The following UBASH3A variants were observed in gnomAD, a reference collection of about 807,000 sequenced individuals.
UBASH3A encodes the protein ubiquitin associated and SH3 domain containing A.
UBASH3A carries 63 observed loss-of-function variants against 73.5 expected under a neutral mutation model. That is an observed-to-expected ratio of 0.86 (90% confidence interval 0.70 to 1.06). The LOEUF is 1.06. Ranked by LOEUF, UBASH3A falls within the 50% of genes least tolerant of loss-of-function variation. The probability of loss-of-function intolerance (pLI) is 0.00; values close to 1 mark genes in which losing one functional copy is unlikely to be tolerated. For missense variants in UBASH3A, 860 were observed against 859.0 expected, an observed-to-expected ratio of 1.00 and a Z score of -0.02; for synonymous variants, 363 against 351.1, an observed-to-expected ratio of 1.03 and a Z score of -0.38.
rs74349974 is a variant in UBASH3A, at chr21:42,420,773, A to T, written c.1046+2164A>T. Among the ~76,000 whole-genome samples, 52 of 60,864 alleles carry T rather than the reference A, an allele frequency of 8.5e-4. 1 individual carries two copies. The highest frequency in any genetic ancestry group is 2.5e-3 in the East Asian group (6 of 2,440). 39.9% of individuals were successfully genotyped at this position (60,864 alleles called of 152,430 possible). On this transcript the variant is annotated intron_variant, in intron 7 of 14. Transcript: ENST00000319294. ...GAGTGTGAGGAAAGCCTAAGTTTTT[A>T]AAAAAAAATGCCTTCCAACTGCATA...
intron 10 of UBASH3A, chr21:42,435,524 G>A (rs925637646): frequency 1.3e-5 from 2 of 152,386 alleles, no homozygotes; most frequent in African/African-American, 4.8e-5. Context: ...GCTCAGAAAT[G>A]TTTACCCACC....
rs1258118412 is a variant in UBASH3A, at chr21:42,442,585, C to G, written c.1620C>G (p.Asp540Glu). The change falls in exon 12 of 15, where the codon GAC (aspartate) becomes GAG (glutamate). Residue 540 changes from aspartate (D) to glutamate (E), a missense_variant. Asp to Glu is a conservative substitution (Grantham distance 45, BLOSUM62 2). Transcript: ENST00000319294. Reference protein sequence around the residue: ...EELKEANFNIDTDYRPAFPLS... With the variant: ...EELKEANFNIETDYRPAFPLS... Reference sequence around the variant, plus strand: ...TGAAAGAGGCAAATTTCAACATTGACACTGATTACAGGTATGCTGTTCTAA... The same window carrying G: ...TGAAAGAGGCAAATTTCAACATTGAGACTGATTACAGGTATGCTGTTCTAA... 7 of 1,613,678 alleles carry G rather than the reference C, an allele frequency of 4.3e-6. No homozygotes were observed. Among genetic ancestry groups the G allele is most frequent in the Non-Finnish European group, 5.9e-6 (7 of 1,179,916 alleles).
chr21:42,434,940 A>G lies in UBASH3A; in HGVS notation c.1379A>G (p.Gln460Arg). ...CCATTATCATCGTGTGGCATTTTCC[A>G]GTCCAGAATTGCAGGTATGTTTGAG... The part of the protein sequence containing the change: ...DPPLSSCGIF[Q>R]SRIAGDALLD... Residue 460 changes from glutamine (Q) to arginine (R), a missense_variant, in exon 10 of 15, where the codon CAG becomes CGG. Physicochemically the swap from Gln to Arg is conservative, Grantham distance 43. Transcript: ENST00000319294. 1 of 1,614,188 alleles carries G rather than the reference A, an allele frequency of 6.2e-7. No homozygotes were observed. Among genetic ancestry groups the G allele is most frequent in the African/African-American group, 1.3e-5 (1 of 75,056 alleles).
Position 42,443,377 on chromosome 21 carries a change from C to G in UBASH3A, c.1697C>G (p.Thr566Arg). The change falls in exon 13 of 15, where the codon ACG (threonine) becomes AGG (arginine). Residue 566 changes from threonine to arginine, a missense_variant. Physicochemically the swap from Thr to Arg is moderately conservative, Grantham distance 71 (BLOSUM62 -1). Transcript: ENST00000319294. ...ESYQEYMDRC[T>R]ASMVQIVNTC... is the part of the protein sequence containing the mutation. ...TACCAGGAGTACATGGACAGGTGCA[C>G]GGCGAGCATGGTGCAAATCGTCAAC... The G allele has an allele frequency of 2.5e-6, 4 of 1,613,100 alleles. No homozygotes were observed. Among genetic ancestry groups the G allele is most frequent in the Non-Finnish European group, 3.4e-6 (4 of 1,179,482 alleles).
intron 14 of UBASH3A, 31 bp downstream of exon 14, chr21:42,444,674 CA>C: frequency 6.8e-7 from 1 of 1,477,514 alleles, no homozygotes; most frequent in Non-Finnish European, 9.5e-7. Context: ...CTTTGGGCCA[CA>C]AAATCAAGCA....
intron 3 of UBASH3A, among the ~76,000 whole-genome samples, chr21:42,410,799 TAGAC>T (rs2053075069): frequency 1.3e-5 from 2 of 151,438 alleles, no homozygotes; most frequent in Middle Eastern, 3.4e-3. Flanking sequence ...CACACACAGA[TAGAC>T]ACAGAGACAC....
rs111397942 is a variant in UBASH3A at position 42,443,945 on chromosome 21, G to C, written c.1738+527G>C. Among the ~76,000 whole-genome samples the C allele has an allele frequency of 4.8e-3, 737 of 152,318 alleles. 7 individuals are homozygous for C. The highest frequency in any genetic ancestry group is 0.016 in the African/African-American group (682 of 41,558). On this transcript the variant is annotated intron_variant, in intron 13 of 14. Coordinates refer to ENST00000319294, the MANE Select transcript of UBASH3A (RefSeq NM_018961.4). The stretch of plus-strand genomic sequence containing the variant: ...TCCTGGGAAACAAAAGAGACAGAGA[G>C]AGAAAGAACAACCAACTTCCAGGTG...
At chr21:42,408,340 G>A (rs2053020463) in intron 2 of UBASH3A, among the ~76,000 whole-genome samples, 1 of 152,166 alleles carries the variant, frequency 6.6e-6, no homozygotes, top group South Asian at 2.1e-4. Context: ...TATCAGTTAT[G>A]GAGTTTTTCT....
In UBASH3A at chr21:42,434,099, G is replaced by A. The variant is rs77885755; in HGVS notation, c.1271-733G>A. On this transcript the variant is annotated intron_variant, in intron 9 of 14. Coordinates refer to ENST00000319294, the MANE Select transcript of UBASH3A (RefSeq NM_018961.4). ...CGTGGTGACATGAGACCAGTGCCCC[G>A]ACTCGTTGACCACTCCCTCTTGAGT... Among the ~76,000 whole-genome samples, 660 of 152,142 alleles carry A rather than the reference G, an allele frequency of 4.3e-3. 4 individuals carry two copies. Among genetic ancestry groups the A allele is most frequent in the Middle Eastern group, 0.02 (6 of 294 alleles).
chr21:42,442,682 A>C (rs2053768479), intron 12 of UBASH3A, 86 bp downstream of exon 12: 1 of 1,448,396 alleles, frequency 6.9e-7, no homozygotes, highest in Non-Finnish European at 9.4e-7. Context: ...AATGGTAAGA[A>C]AGACTTTATT....
rs146744279 is a variant in UBASH3A, at chr21:42,443,388, G to A, written c.1708G>A (p.Val570Met). The change falls in exon 13 of 15, where the codon GTG becomes ATG. Residue 570 changes from valine to methionine, a missense_variant. Val to Met is a conservative substitution (Grantham distance 21). Coordinates refer to ENST00000319294, the MANE Select transcript of UBASH3A (RefSeq NM_018961.4). ...CATGGACAGGTGCACGGCGAGCATG[G>A]TGCAAATCGTCAACACCTGTCCACA... ...EYMDRCTASMVQIVNTCPQDT... is the reference protein window; with the variant it reads ...EYMDRCTASMMQIVNTCPQDT... 26 of 1,612,594 alleles carry A rather than the reference G, an allele frequency of 1.6e-5. No individual in the cohort carries two copies. The highest frequency in any genetic ancestry group is 2.1e-5 in the Non-Finnish European group (25 of 1,179,362).
intron 2 of UBASH3A, among the ~76,000 whole-genome samples, chr21:42,407,475 C>T (rs1240368707): frequency 7.9e-5 from 12 of 152,188 alleles, no homozygotes; most frequent in Admixed American, 2.6e-4. Context: ...ATGGCCAGCA[C>T]CTGCCCACTG....
intron 8 of UBASH3A, among the ~76,000 whole-genome samples, chr21:42,429,301 T>A (rs1568928619): frequency 6.6e-6 from 1 of 152,234 alleles, no homozygotes; most frequent in Non-Finnish European, 1.5e-5. Flanking sequence ...CCGCCCAGCC[T>A]GTTATGGCAG....
intron 8 of UBASH3A, among the ~76,000 whole-genome samples, chr21:42,429,058 A>G (rs1471067626): frequency 6.6e-6 from 1 of 152,186 alleles, no homozygotes; most frequent in Non-Finnish European, 1.5e-5. Flanking sequence ...TGTGCTGATG[A>G]GAGAAAAGCA....
intron 12 of UBASH3A, 67 bp from the exon 13 acceptor site, chr21:42,443,245 T>C (rs2053780377): frequency 1.3e-6 from 2 of 1,513,674 alleles, no homozygotes; most frequent in Non-Finnish European, 1.8e-6. Flanking sequence ...CCCAGCTAAC[T>C]GCAGCTGAGC....
At chr21:42,429,140 A>G (rs961760784) in intron 8 of UBASH3A, among the ~76,000 whole-genome samples, 6 of 152,230 alleles carry the variant, frequency 3.9e-5, no homozygotes, top group Admixed American at 3.9e-4. Context: ...TGTGGCCACA[A>G]GCCAAGGAAC....
Position 42,437,542 on chromosome 21 carries a change from C to A in UBASH3A, c.1448C>A (p.Ala483Asp). The A allele has an allele frequency of 1.2e-6, 2 of 1,614,264 alleles. No homozygotes were observed. Among genetic ancestry groups the A allele is most frequent in the South Asian group, 1.1e-5 (1 of 91,088 alleles). ...IRISSVFASPALRCVQTAKLI... is the reference protein window; with the variant it reads ...IRISSVFASPDLRCVQTAKLI... Reference sequence around the variant, plus strand: ...ATCAGCTCTGTGTTTGCCTCCCCAGCCCTCCGCTGTGTGCAGACGGCCAAA... The same window carrying A: ...ATCAGCTCTGTGTTTGCCTCCCCAGACCTCCGCTGTGTGCAGACGGCCAAA... The change falls in exon 11 of 15, where the codon GCC becomes GAC. Residue 483 changes from alanine (A) to aspartate (D), a missense_variant. Physicochemically the swap from Ala to Asp is moderately radical, Grantham distance 126 (BLOSUM62 -2). Transcript: ENST00000319294.
intron 12 of UBASH3A, 125 bp from the exon 13 acceptor site, chr21:42,443,187 C>A (rs2053778960): frequency 1.4e-6 from 2 of 1,414,990 alleles, no homozygotes; most frequent in Admixed American, 3.0e-5. Flanking sequence ...GCCTGTTGAC[C>A]ATGAGCCTGC....
At chr21:42,443,463 G>C (rs2053788545) in intron 13 of UBASH3A, 45 bp downstream of exon 13, 1 of 1,493,434 alleles carries the variant, frequency 6.7e-7, no homozygotes. Flanking sequence ...CTGGGGCTTG[G>C]GGAATTATCT....
Sources: gnomAD v4.1 joint callset for allele counts (sites outside exome capture counted in the v4.1 genomes callset) on GRCh38, gnomAD v4.1.1 for gene constraint, MANE v1.5 for transcripts, NCBI Gene and HGNC (gene_info 2026-07-23, HGNC 2026-07-21) for gene names.